The following DKKL1 variants were observed in gnomAD, a reference collection of about 807,000 sequenced individuals.
DKKL1 encodes dickkopf-like protein 1.
In DKKL1, 11 loss-of-function variants were observed where a neutral mutation model predicts 16.5. That is an observed-to-expected ratio of 0.67 (90% CI 0.42 to 1.10). The LOEUF (loss-of-function observed/expected upper bound fraction) is 1.10. Ranked by LOEUF, DKKL1 falls within the 50% of genes least tolerant of loss-of-function variation. The pLI, the probability that DKKL1 is intolerant of heterozygous loss-of-function variation, is 0.00. For missense variants in DKKL1, 320 were observed against 308.1 expected (o/e 1.04, Z -0.29); for synonymous variants, 119 against 133.2 (o/e 0.89, Z 0.73).
chr19:49,363,720 G>C (rs1263424050), upstream of DKKL1: 1 of 532,160 alleles, frequency 1.9e-6, no homozygotes, highest in African/African-American at 1.9e-5. Flanking sequence ...TCTGGCTTAA[G>C]GGGTGTGGTG....
At chr19:49,374,613 A>G (rs1156468745) in intron 4 of DKKL1, 104 bp from the exon 5 acceptor site, 3 of 1,106,984 alleles carry the variant, frequency 2.7e-6, no homozygotes, top group Non-Finnish European at 3.7e-6. Flanking sequence ...TGAACCCACA[A>G]AGCATCCTGT....
At chr19:49,371,025 T>C (rs1973461554) in intron 4 of DKKL1, 1 of 152,182 alleles carries the variant, frequency 6.6e-6, no homozygotes, top group Non-Finnish European at 1.5e-5. Context: ...ACTCTTCCTG[T>C]AGTGGAGACA....
upstream of DKKL1, chr19:49,363,660 C>T (rs1973109607): frequency 2.5e-6 from 1 of 402,534 alleles, no homozygotes; most frequent in East Asian, 5.5e-5. Flanking sequence ...GGTCAACTGA[C>T]GTGGGCGTGG....
At chr19:49,365,701 C>G in intron 3 of DKKL1, 52 bp downstream of exon 3, 1 of 1,595,496 alleles carries the variant, frequency 6.3e-7, no homozygotes, top group Non-Finnish European at 8.6e-7. Context: ...CCCTCCATCC[C>G]GCCATCCCTC....
chr19:49,368,549 A>G (rs1973350455), intron 4 of DKKL1, among the ~76,000 whole-genome samples: 1 of 151,842 alleles, frequency 6.6e-6, no homozygotes, highest in Admixed American at 6.6e-5. Flanking sequence ...TTTTTAAAAA[A>G]CATACTTTAT....
chr19:49,368,396 G>A (rs577990484), intron 4 of DKKL1, among the ~76,000 whole-genome samples: 158 of 151,936 alleles, frequency 1.0e-3, no homozygotes, highest in African/African-American at 3.7e-3. Context: ...TGAGGTGGGA[G>A]GATTGTTTGA....
rs148774123 is a variant in DKKL1 at position 49,365,998 on chromosome 19, G to C, written c.417+113G>C. On this transcript the variant is annotated intron_variant, in intron 4 of 4. Coordinates refer to ENST00000221498, the MANE Select transcript of DKKL1 (RefSeq NM_014419.4). The stretch of plus-strand genomic sequence containing the variant: ...GCTGGAGTGCAGTGGCACGATCTTG[G>C]CTCACTGCAACCTCCGCCTCCGAAG... 8.6e-3 allele frequency: 8,162 copies of C among 948,572 alleles called. 432 individuals carry two copies. In the African/African-American group the frequency reaches 0.12, roughly 14 times the overall value. 58.8% of individuals were successfully genotyped at this position (948,572 alleles called of 1,614,324 possible).
At chr19:49,364,104 C>G in intron 1 of DKKL1, 96 bp downstream of exon 1, 2 of 1,504,766 alleles carry the variant, frequency 1.3e-6, no homozygotes, top group Non-Finnish European at 1.8e-6. Flanking sequence ...AATCCCAACA[C>G]TTTGGGAGGC....
intron 4 of DKKL1, among the ~76,000 whole-genome samples, chr19:49,373,859 G>T (rs1046566617): frequency 7.2e-5 from 11 of 152,180 alleles, no homozygotes; most frequent in Non-Finnish European, 1.0e-4. Context: ...AGGTCTGAGT[G>T]GGGTGGGACC....
upstream of DKKL1, chr19:49,363,762 G>A (rs1198517333): frequency 3.3e-6 from 2 of 601,480 alleles, no homozygotes; most frequent in African/African-American, 1.8e-5. Context: ...GTGTCACCAA[G>A]GGCGTGGTCA....
chr19:49,364,554 G>C, intron 1 of DKKL1, 28 bp from the exon 2 acceptor site: 1 of 1,594,142 alleles, frequency 6.3e-7, no homozygotes, highest in East Asian at 2.2e-5. Flanking sequence ...GCCACTGTGC[G>C]GGGCTCTGAC....
chr19:49,372,298 T>C (rs996831750), intron 4 of DKKL1, among the ~76,000 whole-genome samples: 1 of 151,906 alleles, frequency 6.6e-6, no homozygotes, highest in Non-Finnish European at 1.5e-5. Context: ...CAGTGGCTCA[T>C]ACCCGTAGTC....
upstream of DKKL1, among the ~76,000 whole-genome samples, chr19:49,360,648 C>T (rs981638390): frequency 6.6e-6 from 1 of 151,706 alleles, no homozygotes; most frequent in African/African-American, 2.4e-5. Context: ...CCCTGTCCCA[C>T]CCCAAGAACA....
upstream of DKKL1, chr19:49,362,335 C>T (rs924471063): frequency 6.6e-6 from 1 of 152,308 alleles, no homozygotes; most frequent in Non-Finnish European, 1.5e-5. Context: ...TCACACACCC[C>T]AAAGCAGGAT....
At chr19:49,362,432 C>G (rs1251054602), upstream of DKKL1, 6 of 148,634 alleles carry the variant, frequency 4.0e-5, no homozygotes, top group East Asian at 1.0e-3. Context: ...AGAAAGTTGC[C>G]GGGAGCTTTG....
intron 2 of DKKL1, 143 bp downstream of exon 2, chr19:49,364,897 C>T: frequency 9.3e-7 from 1 of 1,070,826 alleles, no homozygotes; most frequent in Non-Finnish European, 1.3e-6. Flanking sequence ...AGGGAAGGGA[C>T]TGGGCCCAGG....
chr19:49,375,036 G>T lies in DKKL1; in HGVS notation c.*8G>T, dbSNP rs2146811814. The T allele has an allele frequency of 1.3e-6, 2 of 1,591,050 alleles. No individual in the cohort carries two copies. Among genetic ancestry groups the T allele is most frequent in the East Asian group, 2.3e-5 (1 of 44,424 alleles). ...CCCTCTCGGCAGCTGTAGGGGTGGGGACCGGGGAGCACCTGCCTGTAGCCC... is the reference window on the plus strand; with the variant it reads ...CCCTCTCGGCAGCTGTAGGGGTGGGTACCGGGGAGCACCTGCCTGTAGCCC... On this transcript the variant is annotated 3_prime_UTR_variant, in exon 5 of 5. Transcript: ENST00000221498.
At chr19:49,361,472 G>A (rs920212310), upstream of DKKL1, 4 of 152,568 alleles carry the variant, frequency 2.6e-5, no homozygotes, top group African/African-American at 9.7e-5. Flanking sequence ...CCACAAGCTG[G>A]GGGACAGGGG....
chr19:49,364,995 C>T (rs1301087869), intron 2 of DKKL1, among the ~76,000 whole-genome samples: 1 of 151,808 alleles, frequency 6.6e-6, no homozygotes, highest in Non-Finnish European at 1.5e-5. Flanking sequence ...TAGTGAGACC[C>T]TCATCTGTAC....
Sources: allele counts gnomAD v4.1 joint callset (sites outside exome capture counted in the v4.1 genomes callset), GRCh38; gene constraint gnomAD v4.1.1; transcripts MANE v1.5; gene names NCBI Gene and HGNC (gene_info 2026-07-23, HGNC 2026-07-21).